Variants in RFX3 observed in about 807,000 individuals in gnomAD.
The protein encoded by RFX3 is transcription factor RFX3.
A neutral mutation model predicts 98.6 loss-of-function variants in RFX3; 14 were observed. The observed-to-expected ratio is 0.14, with a 90% CI of 0.09 to 0.22. RFX3 has a LOEUF of 0.22. RFX3 is among the 10% of genes least tolerant of loss of function. The pLI is 1.00. For missense variants in RFX3, 639 were observed against 926.9 expected, an observed-to-expected ratio of 0.69 and a Z score of 4.03; for synonymous variants, 383 against 328.4, an observed-to-expected ratio of 1.17 and a Z score of -1.80.
At chr9:3,505,112 ATTTT>A (rs1429520087) in intron 1 of RFX3, among the ~76,000 whole-genome samples, 1 of 98,364 alleles carries the variant, frequency 1.0e-5, no homozygotes, top group Non-Finnish European at 1.8e-5. Context: ...TTTATTTTAT[ATTTT>A]ATTTTTATAT....
chr9:3,366,287 G>A (rs1837059646), intron 2 of RFX3, among the ~76,000 whole-genome samples: 2 of 152,162 alleles, frequency 1.3e-5, no homozygotes, highest in South Asian at 4.1e-4. Context: ...AGGAACCTAG[G>A]TGAGATATGT....
At position 3,420,710 on chromosome 9, in the gene RFX3, G is replaced by T. The variant is rs78812823; in HGVS notation, c.-8-25114C>A. On this transcript the variant is annotated intron_variant, in intron 1 of 16. Coordinates refer to ENST00000617270, the MANE Select transcript of RFX3 (RefSeq NM_001282116.2). ...GAGGCAGGTTCCACAGCAAAGTCAG[G>T]AATTATTTCTATAAACCCCTGTATC... 5,734 of 868,592 alleles carry T rather than the reference G, an allele frequency of 6.6e-3. 273 individuals carry two copies. In the African/African-American group the frequency reaches 0.099, roughly 15 times the overall value. The allele number at this position is 868,592 out of a possible 1,614,324, so 53.8% of individuals were successfully genotyped here.
intron 5 of RFX3, among the ~76,000 whole-genome samples, chr9:3,298,783 T>G (rs1378710284): frequency 6.6e-6 from 1 of 151,832 alleles, no homozygotes; most frequent in African/African-American, 2.4e-5. Flanking sequence ...TTATCTTATT[T>G]AGTCCTAATA....
At chr9:3,358,223 G>C (rs551923145) in intron 2 of RFX3, among the ~76,000 whole-genome samples, 1 of 152,098 alleles carries the variant, frequency 6.6e-6, no homozygotes, top group African/African-American at 2.4e-5. Flanking sequence ...ACAAATCATG[G>C]TTTAGGTCTG....
intron 4 of RFX3, among the ~76,000 whole-genome samples, chr9:3,305,581 T>C (rs1829195129): frequency 2.6e-5 from 4 of 151,910 alleles, no homozygotes; most frequent in Non-Finnish European, 2.9e-5. Context: ...AGAGTAATAA[T>C]GAGCCTTTGA....
At chr9:3,452,694 C>T (rs545048666) in intron 1 of RFX3, among the ~76,000 whole-genome samples, 1 of 152,292 alleles carries the variant, frequency 6.6e-6, no homozygotes, top group Admixed American at 6.5e-5. Context: ...ACATACTTTG[C>T]ACTCTATAGA....
At chr9:3,481,529 T>C (rs1344058893) in intron 1 of RFX3, among the ~76,000 whole-genome samples, 1 of 151,920 alleles carries the variant, frequency 6.6e-6, no homozygotes, top group Non-Finnish European at 1.5e-5. Flanking sequence ...TGAATTATTT[T>C]GAATTATAAT....
intron 1 of RFX3, among the ~76,000 whole-genome samples, chr9:3,497,065 G>C (rs1379068210): frequency 6.6e-6 from 1 of 151,960 alleles, no homozygotes; most frequent in African/African-American, 2.4e-5. Flanking sequence ...CTGTGTTTGT[G>C]TCTTCAAGAG....
intron 1 of RFX3, among the ~76,000 whole-genome samples, chr9:3,518,294 C>G (rs1006107942): frequency 1.3e-5 from 2 of 152,138 alleles, no homozygotes; most frequent in Non-Finnish European, 2.9e-5. Flanking sequence ...AAACTTTTCC[C>G]AAAAGTTCCT....
chr9:3,368,201 A>G (rs1285271032), intron 2 of RFX3, among the ~76,000 whole-genome samples: 2 of 152,210 alleles, frequency 1.3e-5, no homozygotes, highest in East Asian at 1.9e-4. Context: ...AAAGCAGTTT[A>G]GAGAAATCCA....
rs373644379 is a variant in RFX3 at position 3,279,309 on chromosome 9, T to C, written c.852-1848A>G. ...CAGCTATGGAATTGTGTCTCATTAATAAAATAGCCTAAAATTGTTTAACCA... is the reference window on the plus strand; with the variant it reads ...CAGCTATGGAATTGTGTCTCATTAACAAAATAGCCTAAAATTGTTTAACCA... On this transcript the variant is annotated intron_variant, in intron 7 of 16. Transcript: ENST00000617270. Among the ~76,000 whole-genome samples the C allele has an allele frequency of 2.4e-4, 37 of 151,946 alleles. No homozygotes were observed. In the East Asian group the frequency reaches 5.0e-3, roughly 21 times the overall value.
At chr9:3,256,749 A>AT (rs1168791686) in intron 14 of RFX3, among the ~76,000 whole-genome samples, 29 of 152,178 alleles carry the variant, frequency 1.9e-4, no homozygotes, top group African/African-American at 6.8e-4. Context: ...ATCTGAGGAC[A>AT]TGTAGGGCTT....
chr9:3,318,634 C>G (rs944172282), intron 4 of RFX3, among the ~76,000 whole-genome samples: 1 of 150,774 alleles, frequency 6.6e-6, no homozygotes, highest in East Asian at 1.9e-4. Context: ...AAGACAAAAT[C>G]TTTTCTAAGG....
chr9:3,261,216 T>C lies in RFX3; in HGVS notation c.1605+1719A>G, dbSNP rs140330713. Among the ~76,000 whole-genome samples the C allele has an allele frequency of 6.1e-3, 935 of 152,202 alleles. 3 individuals carry two copies. The highest frequency in any genetic ancestry group is 1.0e-2 in the Non-Finnish European group (677 of 67,952). On this transcript the variant is annotated intron_variant, in intron 13 of 16. Transcript: ENST00000617270. Reference sequence around the variant, plus strand: ...GGTTTCTTTTAGGATATTCACAAAGTTGTACATCACTGACCACAATCAATT... The same window carrying C: ...GGTTTCTTTTAGGATATTCACAAAGCTGTACATCACTGACCACAATCAATT...
At chr9:3,376,373 A>C (rs1838494106) in intron 2 of RFX3, among the ~76,000 whole-genome samples, 1 of 152,226 alleles carries the variant, frequency 6.6e-6, no homozygotes, top group South Asian at 2.1e-4. Context: ...TGCCCTGAGA[A>C]TATACGAATG....
At chr9:3,228,825 G>C in intron 16 of RFX3, 22 bp downstream of exon 16, 1 of 1,592,778 alleles carries the variant, frequency 6.3e-7, no homozygotes, top group Non-Finnish European at 8.6e-7. Flanking sequence ...TTCTTAAAAT[G>C]TACATTATTT....
chr9:3,402,236 C>A (rs372808477), intron 1 of RFX3, among the ~76,000 whole-genome samples: 2 of 152,114 alleles, frequency 1.3e-5, no homozygotes, highest in African/African-American at 4.8e-5. Context: ...CTCCTAAAGA[C>A]CAAAGTCTGC....
intron 3 of RFX3, among the ~76,000 whole-genome samples, chr9:3,335,950 T>A (rs1296341655): frequency 1.3e-5 from 2 of 152,214 alleles, no homozygotes; most frequent in Non-Finnish European, 2.9e-5. Context: ...ATCTTAGCTA[T>A]AACCAGTTTT....
intron 1 of RFX3, among the ~76,000 whole-genome samples, chr9:3,423,412 T>C (rs534560956): frequency 6.6e-6 from 1 of 152,184 alleles, no homozygotes; most frequent in African/African-American, 2.4e-5. Flanking sequence ...GGACAAACTG[T>C]AGTATACTCC....
Sources: allele counts gnomAD v4.1 joint callset (sites outside exome capture counted in the v4.1 genomes callset), GRCh38; gene constraint gnomAD v4.1.1; transcripts MANE v1.5; gene names NCBI Gene and HGNC (gene_info 2026-07-23, HGNC 2026-07-21).